FAN1: variants seen among roughly 807,000 people sequenced by gnomAD.
The protein encoded by FAN1 is FANCD2 and FANCI associated nuclease 1, also known as fanconi-associated nuclease 1.
In FAN1, 91 loss-of-function variants were observed where a neutral mutation model predicts 104.9. The ratio of observed to expected loss-of-function variants is 0.87; its 90% confidence interval spans 0.73 to 1.03. The LOEUF is 1.03. Ranked by LOEUF, FAN1 falls within the 50% of genes least tolerant of loss-of-function variation. The probability of loss-of-function intolerance (pLI) is 0.00; values close to 1 mark genes in which losing one functional copy is unlikely to be tolerated. For missense variants in FAN1, 1,263 were observed against 1,239.9 expected (o/e 1.02, Z -0.28); for synonymous variants, 478 against 457.6 (o/e 1.04, Z -0.57).
intron 14 of FAN1, chr15:30,939,701 A>G: frequency 1.0e-6 from 1 of 970,118 alleles, no homozygotes; most frequent in Non-Finnish European, 1.2e-6. Context: ...AAAATGCTCA[A>G]TCCAAAACAT....
Position 30,903,943 on chromosome 15 carries a change from G to T in FAN1, c.-221G>T. The T allele has an allele frequency of 6.6e-6, 1 of 152,664 alleles. No homozygotes were observed. 9.5% of individuals were successfully genotyped at this position (152,664 alleles called of 1,614,324 possible). On this transcript the variant is annotated 5_prime_UTR_variant, in exon 1 of 15. It adds an upstream start codon to the 5' untranslated region. Coordinates refer to ENST00000362065, the MANE Select transcript of FAN1 (RefSeq NM_014967.5). The stretch of plus-strand genomic sequence containing the variant: ...CTTGGGTGACAGGGCACCGAGGGAA[G>T]GAGGACGCGAGGGCAGCCAGGCCCT...
At chr15:30,938,941 A>G (rs2062947336) in intron 14 of FAN1, 2 of 985,292 alleles carry the variant, frequency 2.0e-6, no homozygotes, top group African/African-American at 3.5e-5. Context: ...GACAACAACA[A>G]ACAGTCGCTG....
At chr15:30,908,337 T>C in intron 3 of FAN1, 79 bp downstream of exon 3, 1 of 1,239,744 alleles carries the variant, frequency 8.1e-7, no homozygotes, top group Non-Finnish European at 1.1e-6. Flanking sequence ...GCAGTATTAT[T>C]ATGGTGCCCT....
chr15:30,940,238 A>C, intron 14 of FAN1: 1 of 985,320 alleles, frequency 1.0e-6, no homozygotes, highest in South Asian at 4.7e-5. Context: ...TTTGACCGCT[A>C]CAGTGGTAGG....
chr15:30,929,684 A>T (rs1280120821), intron 12 of FAN1, among the ~76,000 whole-genome samples: 66 of 63,842 alleles, frequency 1.0e-3, no homozygotes, highest in Non-Finnish European at 1.7e-3. Context: ...ATATCATATA[A>T]TATATATAAA....
Position 30,910,617 on chromosome 15 carries a change from C to T in FAN1, c.1379C>T (p.Ser460Phe), listed in dbSNP as rs951577268. Residue 460 changes from serine to phenylalanine, a missense_variant, in exon 4 of 15, where the codon TCT becomes TTT. Around this residue, in one of 2 missense-constraint regions of FAN1, gnomAD observed 682 missense variants for 571.1 expected, o/e 1.19. Transcript: ENST00000362065. ...CTTTTTTTTTTAACCATTTCAGAAT[C>T]TGAGTTGCAAGAACTCTCTGAAGTG... Reference protein sequence around the residue: ...LTNAGFLQTESELQELSEVLE... With the variant: ...LTNAGFLQTEFELQELSEVLE... 2.0e-6 allele frequency: 3 copies of T among 1,525,028 alleles called. No individual in the cohort carries two copies. The African/African-American group carries it at 4.2e-5, about 21-fold the overall frequency. The allele number at this position is 1,525,028 out of a possible 1,614,324, so 94.5% of individuals were successfully genotyped here.
chr15:30,904,180 G>T (rs1351009309), intron 1 of FAN1, among the ~76,000 whole-genome samples, 169 bp downstream of exon 1: 1 of 152,172 alleles, frequency 6.6e-6, no homozygotes, highest in Admixed American at 6.5e-5. Flanking sequence ...CCTGGGCCAC[G>T]CGCTGATCGT....
intron 5 of FAN1, among the ~76,000 whole-genome samples, chr15:30,915,886 C>T (rs1405968969): frequency 3.9e-5 from 6 of 152,036 alleles, no homozygotes; most frequent in South Asian, 4.1e-4. Flanking sequence ...CCTAAAATGT[C>T]ACTTTTGATT....
At chr15:30,940,577 G>A in intron 14 of FAN1, 2 of 985,444 alleles carry the variant, frequency 2.0e-6, no homozygotes, top group Non-Finnish European at 2.4e-6. Context: ...AGCAAGCCTT[G>A]TTTGTTTTTG....
In FAN1 at chr15:30,904,612, C is replaced by T; in HGVS notation, c.-52C>T. 1.3e-6 allele frequency: 2 copies of T among 1,560,740 alleles called. No individual in the cohort carries two copies. The highest frequency in any genetic ancestry group is 1.8e-6 in the Non-Finnish European group (2 of 1,135,474). On this transcript the variant is annotated 5_prime_UTR_variant, in exon 2 of 15. Coordinates refer to ENST00000362065, the MANE Select transcript of FAN1 (RefSeq NM_014967.5). The stretch of plus-strand genomic sequence containing the variant: ...AAAAGTAAACCATTGCTATCTTTCA[C>T]CTTAAATATCCTGTGTTTTATTGCT...
chr15:30,941,423 GAA>G (rs751123587), intron 14 of FAN1, 141 bp from the exon 15 acceptor site: 2 of 1,565,644 alleles, frequency 1.3e-6, no homozygotes, highest in African/African-American at 2.7e-5. Context: ...TAATTCAGAG[GAA>G]AAAAGTTGAC....
At position 30,942,147 on chromosome 15, in the gene FAN1, A is replaced by AACTC; in HGVS notation, c.*587_*590dup. On this transcript the variant is annotated 3_prime_UTR_variant, in exon 15 of 15. Transcript: ENST00000362065. ...ATTGAAGGATGCAATGGCAAATATA[A>AACTC]ACTCAATACTATGAAAAATTAATGG... 1.4e-6 allele frequency: 2 copies of AACTC among 1,454,828 alleles called. No homozygotes were observed. The highest frequency in any genetic ancestry group is 1.9e-6 in the Non-Finnish European group (2 of 1,079,546). The allele number at this position is 1,454,828 out of a possible 1,614,324, so 90.1% of individuals were successfully genotyped here.
chr15:30,940,458 C>T (rs2063005256), intron 14 of FAN1: 1 of 985,420 alleles, frequency 1.0e-6, no homozygotes, highest in Non-Finnish European at 1.2e-6. Flanking sequence ...GAGAGAAGGA[C>T]ATCTGTGCAG....
Position 30,941,934 on chromosome 15 carries a change from T to G in FAN1, c.*372T>G. On this transcript the variant is annotated 3_prime_UTR_variant, in exon 15 of 15. Coordinates refer to ENST00000362065, the MANE Select transcript of FAN1 (RefSeq NM_014967.5). Reference sequence around the variant, plus strand: ...CTAAAATACTGCTCCGTATCACTGTTCTGGCTGTCGGTTTGCTGAGCTGGA... The same window carrying G: ...CTAAAATACTGCTCCGTATCACTGTGCTGGCTGTCGGTTTGCTGAGCTGGA... 1 of 1,614,048 alleles carries G rather than the reference T, an allele frequency of 6.2e-7. No homozygotes were observed. The highest frequency in any genetic ancestry group is 1.1e-5 in the South Asian group (1 of 91,090).
chr15:30,942,442 G>T lies in FAN1; in HGVS notation c.*880G>T. The T allele has an allele frequency of 6.5e-6, 2 of 308,126 alleles. No individual in the cohort carries two copies. The highest frequency in any genetic ancestry group is 1.2e-5 in the Non-Finnish European group (2 of 167,754). 19.1% of individuals were successfully genotyped at this position (308,126 alleles called of 1,614,324 possible). On this transcript the variant is annotated 3_prime_UTR_variant, in exon 15 of 15. Coordinates refer to ENST00000362065, the MANE Select transcript of FAN1 (RefSeq NM_014967.5). ...CAGGAGGCCAAATGTCTGATTCTTT[G>T]TTCTGTACCTTTCAGTAGTCTGCAA...
Position 30,914,009 on chromosome 15 carries a change from G to A in FAN1, c.1729G>A (p.Val577Ile). The part of the protein sequence containing the change: ...GQGQLSTVLL[V>I]NLGRMEFPSY... Reference sequence around the variant, plus strand: ...GGGACAGCTTTCAACAGTCCTGTTGGTCAACCTCGGCCGAATGGAGTTTCC... The same window carrying A: ...GGGACAGCTTTCAACAGTCCTGTTGATCAACCTCGGCCGAATGGAGTTTCC... The change falls in exon 5 of 15, where the codon GTC (valine) becomes ATC (isoleucine). Residue 577 changes from valine to isoleucine, a missense_variant. By Grantham distance (29) the Val-to-Ile change is conservative. This residue lies in a region of FAN1 where 581 missense variants were observed against 668.8 expected (regional missense o/e 0.87). Transcript: ENST00000362065. 6.2e-7 allele frequency: 1 copy of A among 1,614,156 alleles called. No individual in the cohort carries two copies. The highest frequency in any genetic ancestry group is 2.2e-5 in the East Asian group (1 of 44,882).
intron 10 of FAN1, among the ~76,000 whole-genome samples, chr15:30,926,286 TC>T (rs2062461074): frequency 6.6e-6 from 1 of 152,164 alleles, no homozygotes; most frequent in African/African-American, 2.4e-5. Flanking sequence ...TCCTGCCCCT[TC>T]CCTGGGATTT....
At chr15:30,906,344 A>G (rs1201089875) in intron 2 of FAN1, 4 of 458,232 alleles carry the variant, frequency 8.7e-6, no homozygotes, top group African/African-American at 6.0e-5. Flanking sequence ...CCTGAGGCAT[A>G]TTTTCTTTCT....
intron 6 of FAN1, 35 bp downstream of exon 6, chr15:30,918,330 A>T: frequency 6.2e-7 from 1 of 1,608,894 alleles, no homozygotes; most frequent in Non-Finnish European, 8.5e-7. Context: ...CAAAATTTAT[A>T]CATTGACCAA....
Sources: gnomAD v4.1 joint callset for allele counts (sites outside exome capture counted in the v4.1 genomes callset) on GRCh38, gnomAD v4.1.1 for gene constraint, gnomAD v4.1.1 regional missense constraint, MANE v1.5 for transcripts, NCBI Gene and HGNC (gene_info 2026-07-23, HGNC 2026-07-21) for gene names.